The following SERINC5 variants were observed in gnomAD, a reference collection of about 807,000 sequenced individuals.
The protein encoded by SERINC5 is chromosome 5 open reading frame 12.
Under a neutral mutation model 63.1 loss-of-function variants are expected in SERINC5, and 41 were observed. The ratio of observed to expected loss-of-function variants is 0.65; its 90% CI spans 0.51 to 0.84. The LOEUF is 0.84. SERINC5 is among the 40% of genes least tolerant of loss of function. The pLI, the probability that SERINC5 is intolerant of heterozygous loss-of-function variation, is 0.00. For missense variants in SERINC5, 523 were observed against 573.0 expected (o/e 0.91, Z 0.89); for synonymous variants, 222 against 215.2 (o/e 1.03, Z -0.28).
chr5:80,255,939 GA>G lies in SERINC5; in HGVS notation c.-18del. On this transcript the variant is annotated 5_prime_UTR_variant, in exon 1 of 12. Coordinates refer to ENST00000507668, the MANE Select transcript of SERINC5 (RefSeq NM_001174072.3). ...AGCTGACATCGCGGCGGCCAATGCCGAAGGCGCGCTCGCTGGCTCCCCGCGC... is the reference window on the plus strand; with the variant it reads ...AGCTGACATCGCGGCGGCCAATGCCGAGGCGCGCTCGCTGGCTCCCCGCGC... 1 of 1,543,098 alleles carries G rather than the reference GA, an allele frequency of 6.5e-7. No individual in the cohort carries two copies. The highest frequency in any genetic ancestry group is 1.9e-5 in the Admixed American group (1 of 52,162).
At chr5:80,155,052 G>A (rs553340287) in intron 8 of SERINC5, among the ~76,000 whole-genome samples, 1 of 152,330 alleles carries the variant, frequency 6.6e-6, no homozygotes, top group Admixed American at 6.5e-5. Flanking sequence ...GAGAGCTACA[G>A]GTATAGGCTC....
chr5:80,165,133 C>A (rs932363881), intron 7 of SERINC5, among the ~76,000 whole-genome samples: 1 of 151,628 alleles, frequency 6.6e-6, no homozygotes, highest in African/African-American at 2.4e-5. Context: ...AATACATAAA[C>A]AGTCATAAAA....
chr5:80,211,877 C>T (rs931479077), intron 1 of SERINC5, among the ~76,000 whole-genome samples: 3 of 152,152 alleles, frequency 2.0e-5, no homozygotes, highest in Admixed American at 6.5e-5. Context: ...GTATCCTAAG[C>T]AAATAAGTGC....
Position 80,146,107 on chromosome 5 carries a change from G to T in SERINC5, c.1221C>A (p.Thr407=). ...FFLASLYVMM[T]VTNWFNYESA... The stretch of plus-strand genomic sequence containing the variant: ...CCACTCACTTGAACCAGTTGGTGAC[G>T]GTCATCATCACATACAGGGAAGCTA... The change falls in exon 11 of 12, where the codon ACC becomes ACA. Residue 407 remains threonine, a synonymous_variant. Coordinates refer to ENST00000507668, the MANE Select transcript of SERINC5 (RefSeq NM_001174072.3). The T allele has an allele frequency of 3.1e-6, 5 of 1,613,996 alleles. No individual in the cohort carries two copies. Among genetic ancestry groups the T allele is most frequent in the Non-Finnish European group, 3.4e-6 (4 of 1,179,866 alleles).
chr5:80,238,808 A>C (rs1435776006), intron 1 of SERINC5, among the ~76,000 whole-genome samples: 5 of 139,648 alleles, frequency 3.6e-5, no homozygotes, highest in East Asian at 4.1e-4. Flanking sequence ...AAAAAAAAAA[A>C]CCCAATCCGA....
intron 1 of SERINC5, among the ~76,000 whole-genome samples, chr5:80,222,561 A>AGT (rs752186814): frequency 6.6e-4 from 97 of 146,316 alleles, no homozygotes; most frequent in Middle Eastern, 7.0e-3. Flanking sequence ...TGAGTGTGTG[A>AGT]GTGTGTGAGT....
At chr5:80,147,512 A>G (rs115331420) in intron 9 of SERINC5, among the ~76,000 whole-genome samples, 10,337 of 152,142 alleles carry the variant, frequency 0.068, 1,195 homozygotes, top group African/African-American at 0.24. Flanking sequence ...ATGAATGCTG[A>G]GAGCAGAGCC....
chr5:80,115,695 G>A lies in SERINC5; in HGVS notation c.1239-2070C>T, dbSNP rs150406424. ...GCAAAAAGACTGTATGCTGTTTTAC[G>A]TTTTCTTCTTTTAAGGTCTAACATC... On this transcript the variant is annotated intron_variant, in intron 11 of 12. Transcript: ENST00000509193. Among the ~76,000 whole-genome samples, 33 of 152,082 alleles carry A rather than the reference G, an allele frequency of 2.2e-4. No homozygotes were observed. In the East Asian group the frequency reaches 6.0e-3, roughly 28 times the overall value.
intron 1 of SERINC5, among the ~76,000 whole-genome samples, chr5:80,244,279 G>A (rs1405748716): frequency 6.6e-6 from 1 of 150,610 alleles, no homozygotes; most frequent in Non-Finnish European, 1.5e-5. Flanking sequence ...GCAATGGCAC[G>A]ATCTCGGCTC....
intron 1 of SERINC5, among the ~76,000 whole-genome samples, chr5:80,247,962 C>T (rs1481507160): frequency 6.6e-6 from 1 of 152,156 alleles, no homozygotes; most frequent in Admixed American, 6.6e-5. Flanking sequence ...GATCCTCCCA[C>T]CTCAGCCTCC....
In SERINC5 at chr5:80,140,422, T is replaced by C. The variant is rs1745439912; in HGVS notation, c.*3241A>G. On this transcript the variant is annotated 3_prime_UTR_variant, in exon 12 of 12. Coordinates refer to ENST00000507668, the MANE Select transcript of SERINC5 (RefSeq NM_001174072.3). ...AAAGGATCTTCTGAGGAATCGGAAA[T>C]AAACAATGTTGTATGGAAACAGAAC... 1.0e-6 allele frequency: 1 copy of C among 975,266 alleles called. No individual in the cohort carries two copies. The highest frequency in any genetic ancestry group is 1.9e-5 in the African/African-American group (1 of 53,946). The allele number at this position is 975,266 out of a possible 1,614,324, so 60.4% of individuals were successfully genotyped here. A position where few individuals can be genotyped will look rare whatever the true frequency, so the allele number is the denominator to read the frequency against.
At chr5:80,193,734 T>C (rs1749336945) in intron 2 of SERINC5, among the ~76,000 whole-genome samples, 1 of 152,260 alleles carries the variant, frequency 6.6e-6, no homozygotes, top group Admixed American at 6.5e-5. Context: ...TACAAAACGA[T>C]TTCCCACCAC....
Position 80,143,446 on chromosome 5 carries a change from A to G in SERINC5, c.*217T>C. The G allele has an allele frequency of 7.6e-7, 1 of 1,315,716 alleles. No individual in the cohort carries two copies. The highest frequency in any genetic ancestry group is 2.3e-5 in the South Asian group (1 of 42,620). 81.5% of individuals were successfully genotyped at this position (1,315,716 alleles called of 1,614,324 possible). ...GGGGTAAGATATTTCAACCATGATCAGTTTGGTTGAAAATTTCAATTCCTT... is the reference window on the plus strand; with the variant it reads ...GGGGTAAGATATTTCAACCATGATCGGTTTGGTTGAAAATTTCAATTCCTT... On this transcript the variant is annotated 3_prime_UTR_variant, in exon 12 of 12. Transcript: ENST00000507668.
At chr5:80,242,644 G>A (rs1436198032) in intron 1 of SERINC5, among the ~76,000 whole-genome samples, 1 of 152,144 alleles carries the variant, frequency 6.6e-6, no homozygotes, top group Non-Finnish European at 1.5e-5. Flanking sequence ...CAGCTACTCG[G>A]GAGGCTGAGG....
intron 5 of SERINC5, among the ~76,000 whole-genome samples, chr5:80,174,552 G>A (rs1354067157): frequency 6.6e-6 from 1 of 151,980 alleles, no homozygotes; most frequent in Non-Finnish European, 1.5e-5. Context: ...TACTTTAGTT[G>A]TTCTATTAAG....
At chr5:80,182,688 GGCGCCT>G (rs1748531541) in intron 2 of SERINC5, among the ~76,000 whole-genome samples, 1 of 151,924 alleles carries the variant, frequency 6.6e-6, no homozygotes, top group Non-Finnish European at 1.5e-5. Flanking sequence ...TGGGATTACA[GGCGCCT>G]GCCACCACGC....
downstream of SERINC5, among the ~76,000 whole-genome samples, chr5:80,136,186 G>T (rs940440376): frequency 2.0e-5 from 3 of 152,098 alleles, no homozygotes; most frequent in Admixed American, 6.6e-5. Context: ...GGGAGGCTGG[G>T]GTGGAACAAT....
chr5:80,162,737 G>A (rs181554235), intron 7 of SERINC5, among the ~76,000 whole-genome samples: 8 of 152,134 alleles, frequency 5.3e-5, no homozygotes, highest in South Asian at 2.1e-4. Context: ...CACGTCCTTC[G>A]TTAAATTTAT....
At chr5:80,204,630 A>C (rs1417141071) in intron 1 of SERINC5, among the ~76,000 whole-genome samples, 2 of 152,232 alleles carry the variant, frequency 1.3e-5, no homozygotes, top group African/African-American at 4.8e-5. Flanking sequence ...GGCACAGTTC[A>C]TCTGAAGTAT....
Sources: gnomAD v4.1 joint callset for allele counts (sites outside exome capture counted in the v4.1 genomes callset) on GRCh38, gnomAD v4.1.1 for gene constraint, MANE v1.5 for transcripts, NCBI Gene and HGNC (gene_info 2026-07-23, HGNC 2026-07-21) for gene names.